The following SOX6 variants were observed in gnomAD, a reference collection of about 807,000 sequenced individuals.
SOX6 encodes SRY-box transcription factor 6.
Under a neutral mutation model 97.8 loss-of-function variants are expected in SOX6, and 11 were observed. That is an observed-to-expected ratio of 0.11 (90% CI 0.07 to 0.19). SOX6 has a LOEUF of 0.19. Ranked by LOEUF, SOX6 falls within the 10% of genes least tolerant of loss-of-function variation. The probability of loss-of-function intolerance (pLI) is 1.00; values close to 1 mark genes in which losing one functional copy is unlikely to be tolerated. For missense variants in SOX6, 810 were observed against 1,039.5 expected (o/e 0.78, Z 3.04); for synonymous variants, 360 against 371.4 (o/e 0.97, Z 0.35).
At chr11:16,658,290 T>C (rs747212322) in intron 3 of SOX6, among the ~76,000 whole-genome samples, 11 of 152,230 alleles carry the variant, frequency 7.2e-5, no homozygotes, top group Non-Finnish European at 1.3e-4. Flanking sequence ...ACACATATTT[T>C]CTCTTTTGTG....
At position 16,389,776 on chromosome 11, in the gene SOX6, G is replaced by A. The variant is rs964589699; in HGVS notation, c.-4-48524C>T. Among the ~76,000 whole-genome samples, 11 of 151,412 alleles carry A rather than the reference G, an allele frequency of 7.3e-5. 1 individual carries two copies. Among genetic ancestry groups the A allele is most frequent in the Admixed American group, 3.9e-4 (6 of 15,216 alleles). Reference sequence around the variant, plus strand: ...GAAGTCGGGGGATCGAGACCATCCCGGCTAACACGGTGAAACCCCGTCTCT... The same window carrying A: ...GAAGTCGGGGGATCGAGACCATCCCAGCTAACACGGTGAAACCCCGTCTCT... On this transcript the variant is annotated intron_variant, in intron 1 of 15. Coordinates refer to the SOX6 transcript ENST00000396356.
In SOX6 at chr11:16,579,947, G is replaced by C. The variant is rs532105636; in HGVS notation, n.609+32134C>G. 2.0e-5 allele frequency among the ~76,000 whole-genome samples: 3 copies of C among 152,110 alleles called. No individual in the cohort carries two copies. The East Asian group carries it at 5.8e-4, about 29-fold the overall frequency. On this transcript the variant is annotated intron_variant and non_coding_transcript_variant, in intron 4 of 5. Coordinates refer to the SOX6 transcript ENST00000524520. ...AGTTATTATTTACCCTCACCAACACGCAAGGCATTGTCAGTCTTTTTAATT... is the reference window on the plus strand; with the variant it reads ...AGTTATTATTTACCCTCACCAACACCCAAGGCATTGTCAGTCTTTTTAATT...
intron 4 of SOX6, among the ~76,000 whole-genome samples, chr11:16,591,366 G>GATAA (rs1164975596): frequency 1.1e-4 from 16 of 142,018 alleles, no homozygotes; most frequent in East Asian, 4.3e-4. Context: ...TAGATAGATA[G>GATAA]ATAGATAGAT....
At chr11:16,143,847 T>G (rs1486399511) in intron 6 of SOX6, among the ~76,000 whole-genome samples, 2 of 152,124 alleles carry the variant, frequency 1.3e-5, no homozygotes, top group Non-Finnish European at 2.9e-5. Context: ...CCCAGATTCA[T>G]AAAGCAAGTC....
intron 9 of SOX6, among the ~76,000 whole-genome samples, chr11:16,089,876 T>C (rs1270426725): frequency 6.6e-6 from 1 of 152,126 alleles, no homozygotes; most frequent in Non-Finnish European, 1.5e-5. Flanking sequence ...CCTGACTTAT[T>C]CCATGGTTGG....
intron 4 of SOX6, among the ~76,000 whole-genome samples, chr11:16,550,880 A>T (rs981583824): frequency 6.6e-6 from 1 of 152,206 alleles, no homozygotes; most frequent in Non-Finnish European, 1.5e-5. Flanking sequence ...CAAAAATTTT[A>T]AAATATACTC....
intron 3 of SOX6, among the ~76,000 whole-genome samples, chr11:16,643,430 G>C (rs116035249): frequency 0.011 from 1,709 of 152,304 alleles, 24 homozygotes; most frequent in African/African-American, 0.039. Flanking sequence ...AACCACCACT[G>C]TCTTCCAAGC....
intron 3 of SOX6, among the ~76,000 whole-genome samples, chr11:16,696,781 A>C (rs772199039): frequency 6.6e-6 from 1 of 152,162 alleles, no homozygotes; most frequent in African/African-American, 2.4e-5. Context: ...CTGAAGGCTG[A>C]GGTGGCTGTG....
At chr11:16,115,656 T>C (rs1322621191) in intron 6 of SOX6, among the ~76,000 whole-genome samples, 1 of 152,146 alleles carries the variant, frequency 6.6e-6, no homozygotes, top group Non-Finnish European at 1.5e-5. Flanking sequence ...GAGCCTAAGG[T>C]TACAGTGTCA....
intron 3 of SOX6, among the ~76,000 whole-genome samples, chr11:16,264,113 C>T (rs539603699): frequency 6.6e-6 from 1 of 151,838 alleles, no homozygotes; most frequent in African/African-American, 2.4e-5. Context: ...TAGTATGGTT[C>T]TGAAATACAC....
chr11:16,286,765 T>C (rs1272515160), intron 3 of SOX6, among the ~76,000 whole-genome samples: 1 of 152,182 alleles, frequency 6.6e-6, no homozygotes, highest in Non-Finnish European at 1.5e-5. Context: ...ATTTAAACTA[T>C]TAATATCTGT....
chr11:16,168,828 A>C (rs2134080553), intron 6 of SOX6, among the ~76,000 whole-genome samples: 1 of 152,268 alleles, frequency 6.6e-6, no homozygotes, highest in East Asian at 1.9e-4. Flanking sequence ...TAGCATATGA[A>C]AAATCTGATT....
chr11:16,322,866 T>G (rs190020858), intron 2 of SOX6, among the ~76,000 whole-genome samples: 10 of 152,342 alleles, frequency 6.6e-5, no homozygotes, highest in Non-Finnish European at 1.2e-4. Context: ...TAAAAAATTT[T>G]TAAAGCTGGT....
intron 2 of SOX6, among the ~76,000 whole-genome samples, chr11:16,734,478 T>A (rs906850963): frequency 1.3e-5 from 2 of 152,164 alleles, no homozygotes; most frequent in African/African-American, 2.4e-5. Flanking sequence ...AGGCTCTTCT[T>A]CCTCATTCTA....
intron 3 of SOX6, among the ~76,000 whole-genome samples, chr11:16,291,229 TTATATATATATATA>T (rs10529279): frequency 1.2e-3 from 168 of 143,584 alleles, no homozygotes; most frequent in African/African-American, 4.4e-3. Context: ...TTCTATAAAT[TTATATATATATATA>T]TATATATATA....
chr11:16,254,671 T>C (rs1853628362), intron 3 of SOX6, among the ~76,000 whole-genome samples: 1 of 151,844 alleles, frequency 6.6e-6, no homozygotes, highest in Non-Finnish European at 1.5e-5. Flanking sequence ...AAATGCTCGA[T>C]TAAAACCACA....
intron 3 of SOX6, among the ~76,000 whole-genome samples, chr11:16,259,345 G>T (rs1399104736): frequency 6.6e-6 from 1 of 151,828 alleles, no homozygotes. Flanking sequence ...ACATTCTTAA[G>T]AAGTAAATTC....
chr11:16,269,901 T>C (rs1166729103), intron 3 of SOX6: 1 of 151,358 alleles, frequency 6.6e-6, no homozygotes, highest in African/African-American at 2.4e-5. Context: ...CAACTTCTTA[T>C]ACCTCTAATT....
intron 9 of SOX6, among the ~76,000 whole-genome samples, chr11:16,082,144 T>C (rs966112810): frequency 5.9e-5 from 9 of 152,178 alleles, no homozygotes; most frequent in Non-Finnish European, 1.0e-4. Context: ...AATCAGCCAA[T>C]AACATTACTA....
Sources: gnomAD v4.1 joint callset for allele counts (sites outside exome capture counted in the v4.1 genomes callset) on GRCh38, gnomAD v4.1.1 for gene constraint, MANE v1.5 for transcripts, NCBI Gene and HGNC (gene_info 2026-07-23, HGNC 2026-07-21) for gene names.